HESX1: variants seen among roughly 807,000 people sequenced by gnomAD.
HESX1 encodes homeobox expressed in ES cells 1.
HESX1 carries 11 observed loss-of-function variants against 22.5 expected under a neutral mutation model. The observed-to-expected ratio is 0.49, with a 90% CI of 0.31 to 0.81. The LOEUF (loss-of-function observed/expected upper bound fraction) is 0.81, where lower values mean the gene tolerates loss of function less well. Among genes scored for constraint, HESX1 ranks in the 30% least tolerant of loss-of-function variants. The pLI is 0.05. For missense variants in HESX1, 201 were observed against 212.6 expected (o/e 0.95, Z 0.34); for synonymous variants, 74 against 76.5 (o/e 0.97, Z 0.17).
At chr3:57,198,537 G>A in intron 2 of HESX1, 45 bp from the exon 3 acceptor site, 1 of 1,239,724 alleles carries the variant, frequency 8.1e-7, no homozygotes, top group Non-Finnish European at 1.2e-6. Flanking sequence ...CCAAAAATGA[G>A]CTTTAATTTC....
At chr3:57,211,690 G>A (rs538587055) in intron 1 of HESX1, among the ~76,000 whole-genome samples, 8 of 151,934 alleles carry the variant, frequency 5.3e-5, no homozygotes, top group Non-Finnish European at 8.8e-5. Flanking sequence ...AAAATTAGCC[G>A]GACGTAGTGG....
chr3:57,224,071 C>A (rs2060629384), intron 1 of HESX1, among the ~76,000 whole-genome samples: 1 of 152,170 alleles, frequency 6.6e-6, no homozygotes, highest in Non-Finnish European at 1.5e-5. Context: ...CGGCTCACTG[C>A]AACCTCCGCC....
At chr3:57,201,931 T>TATCTATC (rs2060491710), upstream of HESX1, among the ~76,000 whole-genome samples, 2 of 141,192 alleles carry the variant, frequency 1.4e-5, no homozygotes, top group South Asian at 4.5e-4. Flanking sequence ...ATCTATCTAT[T>TATCTATC]TTTTTGAGAC....
upstream of HESX1, among the ~76,000 whole-genome samples, chr3:57,227,550 G>A (rs1353348566): frequency 1.3e-5 from 2 of 152,212 alleles, no homozygotes; most frequent in Non-Finnish European, 2.9e-5. Context: ...CGCGCGTGCA[G>A]GGAAGGCCAT....
chr3:57,198,088 T>C lies in HESX1; in HGVS notation c.*109A>G, dbSNP rs931431291. Reference sequence around the variant, plus strand: ...AATATATTTTCAGAAAAAATGACAATATTCAGATTAAATGCAGGAAAGAAA... The same window carrying C: ...AATATATTTTCAGAAAAAATGACAACATTCAGATTAAATGCAGGAAAGAAA... On this transcript the variant is annotated 3_prime_UTR_variant, in exon 4 of 4. Coordinates refer to ENST00000295934, the MANE Select transcript of HESX1 (RefSeq NM_003865.3). 74 of 772,228 alleles carry C rather than the reference T, an allele frequency of 9.6e-5. No homozygotes were observed. The highest frequency in any genetic ancestry group is 1.6e-4 in the Non-Finnish European group (70 of 447,896). The allele number at this position is 772,228 out of a possible 1,614,324, so 47.8% of individuals were successfully genotyped here. A position where few individuals can be genotyped will look rare whatever the true frequency, so the allele number is the denominator to read the frequency against.
intron 1 of HESX1, 123 bp downstream of exon 1, chr3:57,199,637 AAT>A: frequency 1.8e-6 from 1 of 541,604 alleles, no homozygotes. Context: ...AAAAAAAAAT[AAT>A]AAATAATAAT....
At chr3:57,201,792 T>C (rs533544638), upstream of HESX1, among the ~76,000 whole-genome samples, 1 of 152,100 alleles carries the variant, frequency 6.6e-6, no homozygotes, top group African/African-American at 2.4e-5. Flanking sequence ...TTCAACTTCT[T>C]CTTTATTAAC....
Position 57,198,466 on chromosome 3 carries a change from T to G in HESX1, c.384A>C (p.Arg128Ser), listed in dbSNP as rs1184003139. ...NQIEVLENVF[R>S]VNCYPGIDIR... ...TATCGATACCAGGATAGCAGTTTAC[T>G]CTAAAGACATTTTCTAACACTTCAA... The change falls in exon 3 of 4, where the codon AGA becomes AGC. Residue 128 changes from arginine (R) to serine (S), a missense_variant. Arg to Ser is a moderately radical substitution (Grantham distance 110). Transcript: ENST00000295934. 2 of 1,600,294 alleles carry G rather than the reference T, an allele frequency of 1.2e-6. No individual in the cohort carries two copies. The highest frequency in any genetic ancestry group is 1.7e-6 in the Non-Finnish European group (2 of 1,168,958).
chr3:57,198,645 T>C (rs1175296068), intron 2 of HESX1, 108 bp downstream of exon 2: 1 of 1,117,970 alleles, frequency 8.9e-7, no homozygotes, highest in African/African-American at 1.6e-5. Context: ...GTCTACTGTT[T>C]CATTAATAAG....
chr3:57,211,082 G>A (rs1353257445), intron 1 of HESX1, among the ~76,000 whole-genome samples: 7 of 152,062 alleles, frequency 4.6e-5, no homozygotes, highest in Non-Finnish European at 7.4e-5. Flanking sequence ...GCCGGGCATG[G>A]TGGCACATGC....
chr3:57,214,905 A>C (rs2060575236), intron 1 of HESX1, among the ~76,000 whole-genome samples: 1 of 152,188 alleles, frequency 6.6e-6, no homozygotes, highest in Non-Finnish European at 1.5e-5. Flanking sequence ...AATATAGATG[A>C]AGGAGGGTTT....
chr3:57,198,912 G>A lies in HESX1; in HGVS notation c.198C>T (p.Pro66=). The change falls in exon 2 of 4, where the codon CCC becomes CCT. Residue 66 remains proline (P), a synonymous_variant. Transcript: ENST00000295934. Reference sequence around the variant, plus strand: ...CCACGCTAGGGAATGAAATCCCACTGGGAGGATTTGGGACATGTAGACATA... The same window carrying A: ...CCACGCTAGGGAATGAAATCCCACTAGGAGGATTTGGGACATGTAGACATA... The part of the protein sequence containing the change: ...GNLCLHVPNP[P]SGISFPSVVD... 1 of 1,614,054 alleles carries A rather than the reference G, an allele frequency of 6.2e-7. No individual in the cohort carries two copies. Among genetic ancestry groups the A allele is most frequent in the Non-Finnish European group, 8.5e-7 (1 of 1,180,008 alleles).
intron 1 of HESX1, among the ~76,000 whole-genome samples, chr3:57,210,057 A>G (rs1200289930): frequency 6.6e-6 from 1 of 152,228 alleles, no homozygotes. Context: ...CCATTGTAAC[A>G]TCTTCACCAA....
intron 1 of HESX1, among the ~76,000 whole-genome samples, chr3:57,212,732 A>G (rs1273307372): frequency 6.6e-6 from 1 of 152,160 alleles, no homozygotes; most frequent in African/African-American, 2.4e-5. Context: ...CTAACAATGT[A>G]GCGTTTCTCC....
intron 1 of HESX1, among the ~76,000 whole-genome samples, 158 bp downstream of exon 1, chr3:57,199,604 A>G (rs2060470926): frequency 6.6e-6 from 1 of 151,348 alleles, no homozygotes; most frequent in African/African-American, 2.4e-5. Flanking sequence ...TGGCAACAAG[A>G]CCAACACTCT....
chr3:57,200,177 C>A, upstream of HESX1: 1 of 494,414 alleles, frequency 2.0e-6, no homozygotes, highest in Non-Finnish European at 3.7e-6. Flanking sequence ...GGGCCACCTA[C>A]AGGGACAAAA....
Position 57,221,994 on chromosome 3 carries a change from C to A in HESX1, c.-111+4302G>T, listed in dbSNP as rs181943025. On this transcript the variant is annotated intron_variant, in intron 1 of 2. Coordinates refer to the HESX1 transcript ENST00000495160. Reference sequence around the variant, plus strand: ...CTACTAACCTGTAGCTCCACAATGACAGATATTTTTGTTTTGTTCATTATT... The same window carrying A: ...CTACTAACCTGTAGCTCCACAATGAAAGATATTTTTGTTTTGTTCATTATT... Among the ~76,000 whole-genome samples the A allele has an allele frequency of 3.9e-5, 6 of 152,292 alleles. No individual in the cohort carries two copies. In the East Asian group the frequency reaches 9.6e-4, roughly 24 times the overall value.
At chr3:57,201,881 ATC>A (rs764942309), upstream of HESX1, among the ~76,000 whole-genome samples, 150 of 131,442 alleles carry the variant, frequency 1.1e-3, no homozygotes, top group African/African-American at 3.5e-3. Flanking sequence ...ATCTATATCT[ATC>A]TATCTATCTA....
chr3:57,219,814 CT>C (rs1294348837), intron 1 of HESX1, among the ~76,000 whole-genome samples: 2 of 152,308 alleles, frequency 1.3e-5, no homozygotes, highest in African/African-American at 4.8e-5. Flanking sequence ...TTGATATTTT[CT>C]TTTGCTGTGC....
Sources: allele counts gnomAD v4.1 joint callset (sites outside exome capture counted in the v4.1 genomes callset), GRCh38; gene constraint gnomAD v4.1.1; transcripts MANE v1.5; gene names NCBI Gene and HGNC (gene_info 2026-07-23, HGNC 2026-07-21).